The following SMYD2 variants were observed in gnomAD, a reference collection of about 807,000 sequenced individuals.
The protein encoded by SMYD2 is SET and MYND domain containing 2.
A neutral mutation model predicts 59.1 loss-of-function variants in SMYD2; 53 were observed. The observed-to-expected ratio is 0.90, with a 90% CI of 0.72 to 1.13. SMYD2 has a LOEUF of 1.13. SMYD2 is among the 50% of genes most tolerant of loss of function. The pLI is 0.00. For synonymous variants in SMYD2, 208 were observed against 198.8 expected (o/e 1.05, Z -0.39); for missense variants, 494 against 544.7 (o/e 0.91, Z 0.93).
chr1:214,310,323 GA>G (rs1229580478), intron 2 of SMYD2, among the ~76,000 whole-genome samples: 7 of 152,176 alleles, frequency 4.6e-5, no homozygotes, highest in African/African-American at 1.7e-4. Context: ...CCATCAGTAT[GA>G]AAAATTCCAT....
intron 6 of SMYD2, 71 bp from the exon 7 acceptor site, chr1:214,327,547 CAAGT>C (rs1415419428): frequency 8.5e-7 from 1 of 1,171,776 alleles, no homozygotes. Context: ...TCTGACTTAG[CAAGT>C]AAGTAGTGAA....
At position 214,334,151 on chromosome 1, in the gene SMYD2, G is replaced by C. The variant is rs1040059165; in HGVS notation, c.1113-49G>C. The stretch of plus-strand genomic sequence containing the variant: ...CTTACTGCACCCAGCCTGTGGGGCG[G>C]CTCAGTAGCCGCTGACATGGTGGCC... On this transcript the variant is annotated intron_variant, in intron 10 of 11. Coordinates refer to ENST00000366957, the MANE Select transcript of SMYD2 (RefSeq NM_020197.3). 7 of 1,555,436 alleles carry C rather than the reference G, an allele frequency of 4.5e-6. No individual in the cohort carries two copies. The African/African-American group carries it at 9.5e-5, about 21-fold the overall frequency.
At chr1:214,294,201 C>T (rs1656684325) in intron 1 of SMYD2, among the ~76,000 whole-genome samples, 1 of 152,178 alleles carries the variant, frequency 6.6e-6, no homozygotes, top group Non-Finnish European at 1.5e-5. Flanking sequence ...TCTGCTAAAT[C>T]TGTTCAAACG....
chr1:214,325,570 C>T (rs764708008), intron 6 of SMYD2, among the ~76,000 whole-genome samples: 4 of 152,192 alleles, frequency 2.6e-5, no homozygotes, highest in Non-Finnish European at 5.9e-5. Context: ...AGTGATGTGC[C>T]TGCCCTTAGC....
chr1:214,286,707 G>A (rs1656551829), intron 1 of SMYD2, among the ~76,000 whole-genome samples: 1 of 138,996 alleles, frequency 7.2e-6, no homozygotes, highest in African/African-American at 2.8e-5. Flanking sequence ...GGCAGAGGTT[G>A]CAGTGAGCTG....
intron 6 of SMYD2, among the ~76,000 whole-genome samples, chr1:214,324,911 C>T (rs1657237994): frequency 6.6e-6 from 1 of 152,182 alleles, no homozygotes; most frequent in Non-Finnish European, 1.5e-5. Flanking sequence ...AGAACAGTTG[C>T]TTGTTAAGTC....
intron 7 of SMYD2, among the ~76,000 whole-genome samples, chr1:214,329,797 C>CATTT (rs1558057888): frequency 6.6e-6 from 1 of 152,194 alleles, no homozygotes; most frequent in Non-Finnish European, 1.5e-5. Flanking sequence ...GAAGCATTTG[C>CATTT]GCCGTCTCAG....
chr1:214,322,451 A>G (rs552257126), intron 5 of SMYD2, among the ~76,000 whole-genome samples: 1 of 152,132 alleles, frequency 6.6e-6, no homozygotes, highest in South Asian at 2.1e-4. Context: ...CACATGCCCA[A>G]CCCCTCAGGA....
chr1:214,328,290 T>C (rs1257265313), intron 7 of SMYD2, among the ~76,000 whole-genome samples: 1 of 152,202 alleles, frequency 6.6e-6, no homozygotes, highest in African/African-American at 2.4e-5. Context: ...CGCAGTTCAC[T>C]TTTTAGGAAT....
rs568034825 is a variant in SMYD2 at position 214,294,906 on chromosome 1, A to T, written c.174-10281A>T. Among the ~76,000 whole-genome samples, 16 of 152,302 alleles carry T rather than the reference A, an allele frequency of 1.1e-4. No homozygotes were observed. In the South Asian group the frequency reaches 2.9e-3, roughly 28 times the overall value. Reference sequence around the variant, plus strand: ...TAAGTTTTCAAGTAGTTAAATTTATATTACTTTGGTTTTGTCATTTTCTTT... The same window carrying T: ...TAAGTTTTCAAGTAGTTAAATTTATTTTACTTTGGTTTTGTCATTTTCTTT... On this transcript the variant is annotated intron_variant, in intron 1 of 11. Transcript: ENST00000366957.
intron 1 of SMYD2, among the ~76,000 whole-genome samples, chr1:214,286,583 C>T (rs993081904): frequency 2.0e-5 from 3 of 151,872 alleles, no homozygotes; most frequent in African/African-American, 4.8e-5. Flanking sequence ...CCAGCCTGGC[C>T]AACACAGTGA....
At chr1:214,313,727 C>T (rs1571927946) in intron 2 of SMYD2, among the ~76,000 whole-genome samples, 1 of 152,064 alleles carries the variant, frequency 6.6e-6, no homozygotes, top group African/African-American at 2.4e-5. Flanking sequence ...ACTCCCTAGT[C>T]CTCAAAGTAC....
intron 8 of SMYD2, 30 bp downstream of exon 8, chr1:214,330,308 A>T: frequency 6.9e-6 from 10 of 1,444,952 alleles, no homozygotes; most frequent in Non-Finnish European, 8.7e-6. Context: ...AAGAGCGCTG[A>T]CTGCACTCTG....
chr1:214,323,165 G>A (rs529069785), intron 5 of SMYD2, among the ~76,000 whole-genome samples: 1 of 152,270 alleles, frequency 6.6e-6, no homozygotes, highest in Admixed American at 6.5e-5. Context: ...TTCCAGTGCT[G>A]AAATTTTAGA....
At chr1:214,327,468 GAAC>G (rs1657281329) in intron 6 of SMYD2, 151 bp from the exon 7 acceptor site, 2 of 618,852 alleles carry the variant, frequency 3.2e-6, no homozygotes, top group Non-Finnish European at 2.9e-6. Context: ...AGTGCATGCA[GAAC>G]AACCTCTTAG....
At chr1:214,328,254 A>G (rs1464476413) in intron 7 of SMYD2, among the ~76,000 whole-genome samples, 1 of 152,128 alleles carries the variant, frequency 6.6e-6, no homozygotes, top group Admixed American at 6.5e-5. Context: ...TTCGTGTTCT[A>G]TCAGTTCCAC....
chr1:214,302,622 C>T (rs953574523), intron 1 of SMYD2, among the ~76,000 whole-genome samples: 4 of 152,154 alleles, frequency 2.6e-5, no homozygotes, highest in African/African-American at 9.7e-5. Context: ...CCTTTACTTC[C>T]TGCTCTTTAT....
chr1:214,310,285 A>G (rs1440054938), intron 2 of SMYD2, among the ~76,000 whole-genome samples: 1 of 152,244 alleles, frequency 6.6e-6, no homozygotes, highest in Non-Finnish European at 1.5e-5. Context: ...ATCTTAGTTG[A>G]AAATGAATTA....
chr1:214,304,043 T>C (rs1237615075), intron 1 of SMYD2, among the ~76,000 whole-genome samples: 1 of 152,258 alleles, frequency 6.6e-6, no homozygotes. Context: ...CAGTGGCTTT[T>C]CAGCTTTTGA....
Sources: gnomAD v4.1 joint callset for allele counts (sites outside exome capture counted in the v4.1 genomes callset) on GRCh38, gnomAD v4.1.1 for gene constraint, MANE v1.5 for transcripts, NCBI Gene and HGNC (gene_info 2026-07-23, HGNC 2026-07-21) for gene names.